ROR1: variants seen among roughly 807,000 people sequenced by gnomAD.
ROR1 encodes ROR family WNT receptor 1.
Under a neutral mutation model 78.8 loss-of-function variants are expected in ROR1, and 19 were observed. The ratio of observed to expected loss-of-function variants is 0.24; its 90% CI spans 0.17 to 0.35. The LOEUF is 0.35. Among genes scored for constraint, ROR1 ranks in the 10% least tolerant of loss-of-function variants. ROR1 has a pLI of 1.00. For missense variants in ROR1, 917 were observed against 1,177.8 expected, an observed-to-expected ratio of 0.78 and a Z score of 3.24; for synonymous variants, 386 against 433.6, an observed-to-expected ratio of 0.89 and a Z score of 1.36.
rs10709706 is a variant in ROR1, at chr1:64,179,024, GA to G, written c.*191del. On this transcript the variant is annotated 3_prime_UTR_variant, in exon 9 of 9. Transcript: ENST00000371079. ...ACCAAGCAGGACAGACACTCGGCCA[GA>G]AAAAAAAAAAAAAAAAAAAAACAAG... 96,740 of 156,824 alleles carry G rather than the reference GA, an allele frequency of 0.62. 28,793 individuals carry two copies. Among genetic ancestry groups the G allele is most frequent in the African/African-American group, 0.78 (18,150 of 23,396 alleles). 9.7% of individuals were successfully genotyped at this position (156,824 alleles called of 1,614,324 possible). A position where few individuals can be genotyped will look rare whatever the true frequency, so the allele number is the denominator to read the frequency against.
chr1:64,126,486 A>G (rs1212227497), intron 4 of ROR1, among the ~76,000 whole-genome samples: 2 of 152,200 alleles, frequency 1.3e-5, no homozygotes, highest in African/African-American at 4.8e-5. Context: ...AGACTCCTGC[A>G]GCCATCTTGG....
chr1:63,800,722 C>A (rs1007551774), intron 1 of ROR1, among the ~76,000 whole-genome samples: 1 of 152,174 alleles, frequency 6.6e-6, no homozygotes. Flanking sequence ...TGCAGTTCAT[C>A]AAGATCCTCA....
At chr1:63,924,045 C>T (rs1645679142) in intron 1 of ROR1, among the ~76,000 whole-genome samples, 1 of 152,130 alleles carries the variant, frequency 6.6e-6, no homozygotes, top group Non-Finnish European at 1.5e-5. Flanking sequence ...ATAAAGCTAG[C>T]AACCTCTGGT....
intron 1 of ROR1, among the ~76,000 whole-genome samples, chr1:63,907,661 T>G (rs1645539623): frequency 6.6e-6 from 1 of 152,208 alleles, no homozygotes; most frequent in Non-Finnish European, 1.5e-5. Context: ...ACTGGAAGAA[T>G]AGTTTCTGTG....
chr1:63,896,727 G>A (rs1205025504), intron 1 of ROR1, among the ~76,000 whole-genome samples: 7 of 152,058 alleles, frequency 4.6e-5, no homozygotes, highest in Non-Finnish European at 8.8e-5. Flanking sequence ...TGAAAATGTA[G>A]ACTCGTGTGT....
At chr1:64,099,083 G>A (rs1189232540) in intron 4 of ROR1, among the ~76,000 whole-genome samples, 1 of 152,106 alleles carries the variant, frequency 6.6e-6, no homozygotes, top group Non-Finnish European at 1.5e-5. Context: ...GCCTTCTTCT[G>A]GGATTATAAA....
chr1:63,983,637 T>C (rs1315315741), intron 1 of ROR1, among the ~76,000 whole-genome samples: 1 of 152,208 alleles, frequency 6.6e-6, no homozygotes, highest in East Asian at 1.9e-4. Flanking sequence ...GTCTGGTTTC[T>C]AACTGGGTTG....
At chr1:63,947,429 C>T (rs977121739) in intron 1 of ROR1, among the ~76,000 whole-genome samples, 2 of 152,160 alleles carry the variant, frequency 1.3e-5, no homozygotes, top group Admixed American at 6.5e-5. Context: ...ATGGAGGGTA[C>T]CTCTGCCAAG....
At chr1:64,017,062 G>T (rs1244510008) in intron 2 of ROR1, among the ~76,000 whole-genome samples, 1 of 151,836 alleles carries the variant, frequency 6.6e-6, no homozygotes, top group Non-Finnish European at 1.5e-5. Context: ...GACCACAGGT[G>T]CACCATGTCC....
chr1:64,072,972 A>G (rs780711023), intron 4 of ROR1, among the ~76,000 whole-genome samples: 1 of 152,188 alleles, frequency 6.6e-6, no homozygotes, highest in Non-Finnish European at 1.5e-5. Flanking sequence ...TGTGATGAAA[A>G]AACAAGATAA....
At chr1:63,809,248 G>T (rs1313002281) in intron 1 of ROR1, among the ~76,000 whole-genome samples, 1 of 152,146 alleles carries the variant, frequency 6.6e-6, no homozygotes. Flanking sequence ...TCCCATAAAT[G>T]ATCTCTCTGC....
At chr1:63,788,960 A>T in intron 1 of ROR1, 1 of 692,716 alleles carries the variant, frequency 1.4e-6, no homozygotes, top group Non-Finnish European at 2.7e-6. Context: ...TGAGGTGATC[A>T]ATCTTCTTAG....
intron 2 of ROR1, among the ~76,000 whole-genome samples, chr1:64,027,745 T>A (rs563062599): frequency 3.3e-5 from 5 of 152,038 alleles, no homozygotes; most frequent in Admixed American, 6.6e-5. Context: ...TGGAATGCAG[T>A]GGCTTGGTCT....
chr1:64,054,107 C>G lies in ROR1; in HGVS notation c.482+3391C>G, dbSNP rs958099231. 2.6e-5 allele frequency among the ~76,000 whole-genome samples: 4 copies of G among 152,192 alleles called. No individual in the cohort carries two copies. In the East Asian group the frequency reaches 7.7e-4, roughly 29 times the overall value. On this transcript the variant is annotated intron_variant, in intron 4 of 8. Coordinates refer to ENST00000371079, the MANE Select transcript of ROR1 (RefSeq NM_005012.4). The stretch of plus-strand genomic sequence containing the variant: ...TACCTGGGACCACAGGCACGCACTA[C>G]CGTGCCTGGCAAATTTTTGTATGTT...
chr1:64,051,472 TAA>T (rs1162693218), intron 4 of ROR1, among the ~76,000 whole-genome samples: 64 of 135,180 alleles, frequency 4.7e-4, no homozygotes, highest in Middle Eastern at 3.6e-3. Context: ...TAAAATAAAA[TAA>T]AATAAAATAA....
intron 1 of ROR1, among the ~76,000 whole-genome samples, chr1:63,939,978 A>G (rs937216361): frequency 9.2e-5 from 14 of 152,186 alleles, no homozygotes; most frequent in African/African-American, 3.1e-4. Context: ...ATGAGTGGGA[A>G]GGGAGGAAGT....
At chr1:63,827,788 G>C (rs191428906) in intron 1 of ROR1, among the ~76,000 whole-genome samples, 7 of 152,272 alleles carry the variant, frequency 4.6e-5, no homozygotes, top group Admixed American at 3.9e-4. Context: ...AACTGAACTG[G>C]TTTCCAATTG....
At chr1:64,132,605 C>CA (rs1648952611) in intron 4 of ROR1, among the ~76,000 whole-genome samples, 2 of 151,626 alleles carry the variant, frequency 1.3e-5, no homozygotes, top group East Asian at 1.9e-4. Context: ...ACTAAAAATA[C>CA]AAAAATTAGC....
intron 1 of ROR1, among the ~76,000 whole-genome samples, chr1:63,946,197 C>T (rs1335504293): frequency 6.6e-6 from 1 of 152,172 alleles, no homozygotes; most frequent in Non-Finnish European, 1.5e-5. Flanking sequence ...AGTTCTCTCT[C>T]AGGACACACA....
Sources: allele counts gnomAD v4.1 joint callset (sites outside exome capture counted in the v4.1 genomes callset), GRCh38; gene constraint gnomAD v4.1.1; transcripts MANE v1.5; gene names NCBI Gene and HGNC (gene_info 2026-07-23, HGNC 2026-07-21).